TLE1: variants seen among roughly 807,000 people sequenced by gnomAD.
TLE1 encodes the protein transducin-like enhancer protein 1.
TLE1 carries 21 observed loss-of-function variants against 89.8 expected under a neutral mutation model. The observed-to-expected ratio is 0.23, with a 90% CI of 0.17 to 0.34. The LOEUF is 0.34. TLE1 is among the 10% of genes least tolerant of loss of function. TLE1 has a pLI of 1.00. For missense variants in TLE1, 795 were observed against 1,031.2 expected, an observed-to-expected ratio of 0.77 and a Z score of 3.14; for synonymous variants, 447 against 407.6, an observed-to-expected ratio of 1.10 and a Z score of -1.16.
chr9:81,641,307 G>A lies in TLE1; in HGVS notation c.373-7006C>T, dbSNP rs538824658. On this transcript the variant is annotated intron_variant, in intron 6 of 19. Coordinates refer to ENST00000376499, the MANE Select transcript of TLE1 (RefSeq NM_005077.5). ...AGCAGAAAACATCAAGGACACTACT[G>A]CAGGAGTTATCGCAAAACCTCCCAT... Among the ~76,000 whole-genome samples, 31 of 152,308 alleles carry A rather than the reference G, an allele frequency of 2.0e-4. No homozygotes were observed. The South Asian group carries it at 5.2e-3, about 25-fold the overall frequency.
At chr9:81,653,864 G>T in intron 5 of TLE1, 110 bp downstream of exon 5, 3 of 962,262 alleles carry the variant, frequency 3.1e-6, no homozygotes, top group Non-Finnish European at 4.8e-6. Flanking sequence ...AGCTGTAACA[G>T]ATGTTCTTCA....
chr9:81,604,232 T>A (rs761859545), intron 14 of TLE1, among the ~76,000 whole-genome samples: 1 of 152,204 alleles, frequency 6.6e-6, no homozygotes, highest in African/African-American at 2.4e-5. Flanking sequence ...TCCTAGGCTG[T>A]GAGCTCCCGG....
At chr9:81,614,287 C>CA (rs1824124029) in intron 11 of TLE1, among the ~76,000 whole-genome samples, 1 of 152,150 alleles carries the variant, frequency 6.6e-6, no homozygotes, top group South Asian at 2.1e-4. Context: ...GCCAGTATCT[C>CA]AGAGACAAAA....
intron 8 of TLE1, among the ~76,000 whole-genome samples, chr9:81,630,335 C>T (rs1381182235): frequency 6.6e-6 from 1 of 152,108 alleles, no homozygotes; most frequent in Non-Finnish European, 1.5e-5. Context: ...CAATAAACTA[C>T]AAGGCATTCA....
intron 6 of TLE1, among the ~76,000 whole-genome samples, chr9:81,641,984 T>C (rs529902607): frequency 9.3e-4 from 141 of 152,110 alleles, no homozygotes; most frequent in African/African-American, 3.1e-3. Flanking sequence ...ATCGCGCCAT[T>C]GCACTCCAGC....
rs1241932558 is a variant in TLE1 at position 81,689,537 on chromosome 9, C to T, written c.-1297G>A. ...GCCGCCGCCGCCCGCGCCTCTCGCG[C>T]CGCTTACATTAACACGCGGTTTCAC... On this transcript the variant is annotated 5_prime_UTR_variant, in exon 1 of 20. Transcript: ENST00000376499. Among the ~76,000 whole-genome samples, 2 of 152,128 alleles carry T rather than the reference C, an allele frequency of 1.3e-5. No individual in the cohort carries two copies. Among genetic ancestry groups the T allele is most frequent in the Non-Finnish European group, 2.9e-5 (2 of 68,016 alleles).
At chr9:81,669,287 A>G (rs559360356) in intron 4 of TLE1, among the ~76,000 whole-genome samples, 4 of 152,268 alleles carry the variant, frequency 2.6e-5, no homozygotes, top group Admixed American at 1.3e-4. Context: ...CCTCAGACCA[A>G]TTTTCATCTC....
intron 16 of TLE1, among the ~76,000 whole-genome samples, chr9:81,589,867 G>A (rs912253935): frequency 6.6e-6 from 1 of 152,164 alleles, no homozygotes; most frequent in Non-Finnish European, 1.5e-5. Context: ...GCAAACAGAA[G>A]AGGAAAGTAA....
chr9:81,610,727 G>C (rs1823591083), intron 13 of TLE1, among the ~76,000 whole-genome samples: 2 of 152,012 alleles, frequency 1.3e-5, no homozygotes, highest in African/African-American at 4.8e-5. Context: ...TATGTGCCAA[G>C]AGGAATCCAT....
intron 8 of TLE1, among the ~76,000 whole-genome samples, chr9:81,624,855 G>A (rs1036516139): frequency 1.3e-5 from 2 of 152,004 alleles, no homozygotes; most frequent in South Asian, 2.1e-4. Flanking sequence ...TACAGCCCAC[G>A]GAGGACATTA....
In TLE1 at chr9:81,592,394, A is replaced by G. The variant is rs114565638; in HGVS notation, c.1581+631T>C. Among the ~76,000 whole-genome samples, 1,019 of 152,282 alleles carry G rather than the reference A, an allele frequency of 6.7e-3. 13 individuals carry two copies. The highest frequency in any genetic ancestry group is 0.024 in the African/African-American group (979 of 41,554). ...AAAAAAGAGATCCGAACATGTCCCA[A>G]CATGTTTTATGTCCCTGAAAAATGC... On this transcript the variant is annotated intron_variant, in intron 15 of 19. Coordinates refer to ENST00000376499, the MANE Select transcript of TLE1 (RefSeq NM_005077.5).
At chr9:81,646,895 T>A (rs1177517312) in intron 6 of TLE1, among the ~76,000 whole-genome samples, 1 of 152,202 alleles carries the variant, frequency 6.6e-6, no homozygotes, top group African/African-American at 2.4e-5. Context: ...GGAGAAGGAA[T>A]ATAGAAATCT....
intron 4 of TLE1, among the ~76,000 whole-genome samples, chr9:81,674,631 TTAAAGG>T (rs1832658727): frequency 6.6e-6 from 1 of 152,198 alleles, no homozygotes; most frequent in African/African-American, 2.4e-5. Context: ...TGGTTACATC[TTAAAGG>T]TAAAGTATAA....
At chr9:81,597,328 C>A (rs1424730300) in intron 14 of TLE1, among the ~76,000 whole-genome samples, 3 of 151,938 alleles carry the variant, frequency 2.0e-5, no homozygotes, top group Non-Finnish European at 4.4e-5. Flanking sequence ...TTTATCTCAA[C>A]CAGTGGACAA....
chr9:81,660,209 G>A lies in TLE1; in HGVS notation c.235-6173C>T, dbSNP rs192072215. ...CCTCCCCTACTAAAACTGATGCCAG[G>A]GTACATATTTAATATACTTTCAAAG... On this transcript the variant is annotated intron_variant, in intron 4 of 19. Coordinates refer to ENST00000376499, the MANE Select transcript of TLE1 (RefSeq NM_005077.5). Among the ~76,000 whole-genome samples the A allele has an allele frequency of 6.6e-5, 10 of 151,744 alleles. No individual in the cohort carries two copies. In the East Asian group the frequency reaches 1.9e-3, roughly 30 times the overall value.
At chr9:81,617,465 AGGCG>A (rs1312430426) in intron 9 of TLE1, among the ~76,000 whole-genome samples, 2 of 152,018 alleles carry the variant, frequency 1.3e-5, no homozygotes, top group Middle Eastern at 3.4e-3. Context: ...TGGGAGGCCG[AGGCG>A]GGCAGGTGGA....
At chr9:81,598,796 T>A (rs1830538187) in intron 14 of TLE1, among the ~76,000 whole-genome samples, 1 of 152,126 alleles carries the variant, frequency 6.6e-6, no homozygotes, top group African/African-American at 2.4e-5. Context: ...ATGACAATAA[T>A]GAAGTGAAAT....
rs186335678 is a variant in TLE1 at position 81,633,215 on chromosome 9, G to C, written c.594+133C>G. The C allele has an allele frequency of 7.7e-6, 11 of 1,429,704 alleles. No homozygotes were observed. The Middle Eastern group carries it at 7.9e-4, about 102-fold the overall frequency. The allele number at this position is 1,429,704 out of a possible 1,614,324, so 88.6% of individuals were successfully genotyped here. A position where few individuals can be genotyped will look rare whatever the true frequency, so the allele number is the denominator to read the frequency against. On this transcript the variant is annotated intron_variant, in intron 8 of 19. Coordinates refer to ENST00000376499, the MANE Select transcript of TLE1 (RefSeq NM_005077.5). ...GAAAAAAAGTAAAAGAAAAAAGCCAGGTCACTGAGAGAGACAGGGAGAGTG... is the reference window on the plus strand; with the variant it reads ...GAAAAAAAGTAAAAGAAAAAAGCCACGTCACTGAGAGAGACAGGGAGAGTG...
intron 6 of TLE1, among the ~76,000 whole-genome samples, chr9:81,635,873 G>C (rs1827293861): frequency 6.6e-6 from 1 of 152,076 alleles, no homozygotes. Flanking sequence ...AAATGTTTAG[G>C]GTCAGGCACA....
Sources: gnomAD v4.1 joint callset for allele counts (sites outside exome capture counted in the v4.1 genomes callset) on GRCh38, gnomAD v4.1.1 for gene constraint, MANE v1.5 for transcripts, NCBI Gene and HGNC (gene_info 2026-07-23, HGNC 2026-07-21) for gene names.